The following SRD5A2 variants were observed in gnomAD, a reference collection of about 807,000 sequenced individuals.
The protein encoded by SRD5A2 is 3-oxo-5-alpha-steroid 4-dehydrogenase 2.
SRD5A2 carries 30 observed loss-of-function variants against 27.4 expected under a neutral mutation model. That is an observed-to-expected ratio of 1.10 (90% CI 0.82 to 1.49). The LOEUF is 1.49. SRD5A2 is among the 40% of genes most tolerant of loss of function. The pLI, the probability that SRD5A2 is intolerant of heterozygous loss-of-function variation, is 0.00. For synonymous variants in SRD5A2, 141 were observed against 133.6 expected, an observed-to-expected ratio of 1.06 and a Z score of -0.38; for missense variants, 348 against 323.4, an observed-to-expected ratio of 1.08 and a Z score of -0.58.
At chr2:31,626,863 C>T in the SRD5A2 span, among the ~76,000 whole-genome samples, 1 of 152,084 alleles carries the variant, frequency 6.6e-6, no homozygotes, top group Non-Finnish European at 1.5e-5. Context: ...CAGGATGATG[C>T]TTGCCTCATA....
chr2:31,581,101 G>A (rs1481133562), upstream of SRD5A2: 2 of 596,252 alleles, frequency 3.4e-6, no homozygotes, highest in Non-Finnish European at 5.7e-6. Context: ...CAGCCGCGGT[G>A]GCCGGAGGAG....
At position 31,524,053 on chromosome 2, in the gene SRD5A2, A is replaced by G. The variant is rs1029173351; in HGVS notation, c.*2143T>C. On this transcript the variant is annotated 3_prime_UTR_variant, in exon 5 of 5. Coordinates refer to ENST00000622030, the MANE Select transcript of SRD5A2 (RefSeq NM_000348.4). ...AGGTTGGACTAAATACTATTTTAGAAAGCGCCCTCTTGTGGCAAAAAGTGA... is the reference window on the plus strand; with the variant it reads ...AGGTTGGACTAAATACTATTTTAGAGAGCGCCCTCTTGTGGCAAAAAGTGA... 1 of 222,042 alleles carries G rather than the reference A, an allele frequency of 4.5e-6. No individual in the cohort carries two copies. Among genetic ancestry groups the G allele is most frequent in the Non-Finnish European group, 9.0e-6 (1 of 111,118 alleles). 13.8% of individuals were successfully genotyped at this position (222,042 alleles called of 1,614,324 possible). A position where few individuals can be genotyped will look rare whatever the true frequency, so the allele number is the denominator to read the frequency against.
chr2:31,545,305 T>C (rs536154037), intron 1 of SRD5A2, among the ~76,000 whole-genome samples: 1 of 152,204 alleles, frequency 6.6e-6, no homozygotes, highest in Non-Finnish European at 1.5e-5. Context: ...GTATTTTTTA[T>C]GAACATCAAA....
chr2:31,532,585 A>G (rs1349200328), intron 2 of SRD5A2, among the ~76,000 whole-genome samples: 2 of 152,182 alleles, frequency 1.3e-5, no homozygotes, highest in East Asian at 3.9e-4. Flanking sequence ...ATTACAGCCC[A>G]GAAACACTCA....
chr2:31,640,874 C>T, the SRD5A2 span, among the ~76,000 whole-genome samples: 1 of 151,886 alleles, frequency 6.6e-6, no homozygotes, highest in Non-Finnish European at 1.5e-5. Flanking sequence ...AAAAAAAAGT[C>T]TCCTGCCAGG....
At chr2:31,636,846 T>TTTTAATATG in the SRD5A2 span, among the ~76,000 whole-genome samples, 3 of 152,142 alleles carry the variant, frequency 2.0e-5, no homozygotes, top group Non-Finnish European at 4.4e-5. Context: ...TAAATGATCT[T>TTTTAATATG]TTTAATATGT....
upstream of SRD5A2, among the ~76,000 whole-genome samples, chr2:31,583,614 GAAA>G (rs1215302510): frequency 8.9e-3 from 169 of 19,072 alleles, no homozygotes; most frequent in African/African-American, 0.018. Flanking sequence ...CTCCTTCCAG[GAAA>G]AAAAAAAAAA....
the SRD5A2 span, among the ~76,000 whole-genome samples, chr2:31,647,825 A>G: frequency 6.6e-6 from 1 of 152,210 alleles, no homozygotes; most frequent in Non-Finnish European, 1.5e-5. Flanking sequence ...AATGCCTCTA[A>G]AATACATAAA....
intron 1 of SRD5A2, among the ~76,000 whole-genome samples, chr2:31,574,517 G>A (rs1367758541): frequency 1.3e-5 from 2 of 152,266 alleles, no homozygotes; most frequent in East Asian, 1.9e-4. Context: ...AAGTGGTCAC[G>A]ATCTCCAAAG....
intron 1 of SRD5A2, among the ~76,000 whole-genome samples, chr2:31,561,896 C>T (rs1011097772): frequency 6.6e-6 from 1 of 152,048 alleles, no homozygotes; most frequent in African/African-American, 2.4e-5. Flanking sequence ...ACTAGTTTAC[C>T]GTTTTCTATA....
At chr2:31,545,231 G>A (rs919096631) in intron 1 of SRD5A2, among the ~76,000 whole-genome samples, 1 of 151,830 alleles carries the variant, frequency 6.6e-6, no homozygotes, top group Non-Finnish European at 1.5e-5. Flanking sequence ...TATTCTATGA[G>A]GTCAGCATTA....
the SRD5A2 span, among the ~76,000 whole-genome samples, chr2:31,612,275 C>A: frequency 5.4e-5 from 8 of 148,092 alleles, no homozygotes; most frequent in Non-Finnish European, 8.9e-5. Context: ...AGCAAGACTG[C>A]GTCTCAAAAT....
the SRD5A2 span, among the ~76,000 whole-genome samples, chr2:31,615,980 C>T: frequency 1.3e-5 from 2 of 151,358 alleles, no homozygotes; most frequent in Non-Finnish European, 3.0e-5. Flanking sequence ...TGGCAGCTTC[C>T]ATGTGTTGTT....
intron 1 of SRD5A2, among the ~76,000 whole-genome samples, chr2:31,566,917 C>G (rs1040848541): frequency 6.6e-6 from 1 of 152,124 alleles, no homozygotes; most frequent in East Asian, 1.9e-4. Context: ...CTATTTACAT[C>G]ACTTTATATT....
chr2:31,565,792 G>C (rs1370512824), intron 1 of SRD5A2, among the ~76,000 whole-genome samples: 1 of 151,870 alleles, frequency 6.6e-6, no homozygotes. Context: ...TCAATAACTG[G>C]TAGAATAGGT....
At chr2:31,592,117 A>G in the SRD5A2 span, among the ~76,000 whole-genome samples, 1 of 151,376 alleles carries the variant, frequency 6.6e-6, no homozygotes, top group Admixed American at 6.6e-5. Flanking sequence ...AAAACAGCCC[A>G]AAAAAAAGAA....
At chr2:31,602,938 T>C in the SRD5A2 span, among the ~76,000 whole-genome samples, 24 of 151,884 alleles carry the variant, frequency 1.6e-4, no homozygotes, top group African/African-American at 5.1e-4. Context: ...AAGACTTAAA[T>C]GTAAAACACC....
chr2:31,569,875 G>A (rs948163923), intron 1 of SRD5A2, among the ~76,000 whole-genome samples: 4 of 152,104 alleles, frequency 2.6e-5, no homozygotes, highest in Non-Finnish European at 4.4e-5. Context: ...AAAGAAAAAT[G>A]GAAAAATTAG....
the SRD5A2 span, among the ~76,000 whole-genome samples, chr2:31,590,540 A>T: frequency 6.6e-6 from 1 of 152,194 alleles, no homozygotes; most frequent in South Asian, 2.1e-4. Context: ...ATCCCCATCA[A>T]GCTACCAATG....
Sources: gnomAD v4.1 joint callset for allele counts (sites outside exome capture counted in the v4.1 genomes callset) on GRCh38, gnomAD v4.1.1 for gene constraint, MANE v1.5 for transcripts, NCBI Gene and HGNC (gene_info 2026-07-23, HGNC 2026-07-21) for gene names.